Variants in ASAH2 observed in about 807,000 individuals in gnomAD.
ASAH2 encodes neutral ceramidase.
Under a neutral mutation model 82.9 loss-of-function variants are expected in ASAH2, and 58 were observed. The observed-to-expected ratio is 0.70, with a 90% CI of 0.57 to 0.87. ASAH2 has a LOEUF of 0.87. Among genes scored for constraint, ASAH2 ranks in the 40% least tolerant of loss-of-function variants. The pLI is 0.00. For synonymous variants in ASAH2, 276 were observed against 289.7 expected, an observed-to-expected ratio of 0.95 and a Z score of 0.48; for missense variants, 779 against 834.0, an observed-to-expected ratio of 0.93 and a Z score of 0.81.
chr10:50,245,307 T>C lies in ASAH2; in HGVS notation c.275A>G (p.Glu92Gly). 6.2e-7 allele frequency: 1 copy of C among 1,614,038 alleles called. No homozygotes were observed. The highest frequency in any genetic ancestry group is 1.1e-5 in the South Asian group (1 of 91,076). ...ACTGAAGTTCTGAAATAGAGGAGAC[T>C]CTGGGGTTAAAGGCACTGGAGAAGT... is the stretch of plus-strand genomic sequence containing the variant. ...TQTSPVPLTP[E>G]SPLFQNFSGY... Residue 92 changes from glutamate (E) to glycine (G), a missense_variant, in exon 3 of 21, where the codon GAG (glutamate) becomes GGG (glycine). Glu to Gly is a moderately conservative substitution (Grantham distance 98). This residue lies in a region of ASAH2 where 759 missense variants were observed against 755.2 expected (regional missense o/e 1.00). Coordinates refer to ENST00000682911, the MANE Select transcript of ASAH2 (RefSeq NM_019893.4).
At chr10:50,224,617 T>A (rs1281172981) in intron 7 of ASAH2, among the ~76,000 whole-genome samples, 2 of 152,260 alleles carry the variant, frequency 1.3e-5, no homozygotes, top group African/African-American at 4.8e-5. Flanking sequence ...CTCTGACTAA[T>A]AACATGTGTG....
At chr10:50,222,370 C>T (rs1396318299) in intron 7 of ASAH2, among the ~76,000 whole-genome samples, 2 of 152,136 alleles carry the variant, frequency 1.3e-5, no homozygotes, top group Non-Finnish European at 2.9e-5. Context: ...CCTTGACCTC[C>T]TAGACTCAAG....
At position 50,237,475 on chromosome 10, in the gene ASAH2, G is replaced by A. The variant is rs984645535; in HGVS notation, c.511-1411C>T. Among the ~76,000 whole-genome samples the A allele has an allele frequency of 7.1e-4, 108 of 152,298 alleles. 1 individual carries two copies. Among genetic ancestry groups the A allele is most frequent in the African/African-American group, 2.4e-3 (101 of 41,556 alleles). ...ACTTGTTCTAAAACAAGTCAGAATC[G>A]TCTAACCAAGCCACTCTGGGAATCC... On this transcript the variant is annotated intron_variant, in intron 4 of 20. Transcript: ENST00000682911.
intron 8 of ASAH2, 138 bp from the exon 9 acceptor site, chr10:50,215,006 T>A: frequency 1.8e-6 from 2 of 1,112,568 alleles, no homozygotes; most frequent in East Asian, 2.6e-5. Context: ...ATATAAAATA[T>A]TCTGTAGGTT....
intron 8 of ASAH2, among the ~76,000 whole-genome samples, chr10:50,216,847 C>T (rs1845614136): frequency 6.6e-6 from 1 of 152,200 alleles, no homozygotes; most frequent in African/African-American, 2.4e-5. Flanking sequence ...GCCTAGCACT[C>T]AGGCAGTGAT....
At chr10:50,247,715 T>C (rs1464543739) in intron 2 of ASAH2, among the ~76,000 whole-genome samples, 1 of 152,166 alleles carries the variant, frequency 6.6e-6, no homozygotes, top group Non-Finnish European at 1.5e-5. Flanking sequence ...TTTACCAGTC[T>C]TCTCTACTCA....
chr10:50,243,396 G>T, intron 3 of ASAH2, 45 bp from the exon 4 acceptor site: 1 of 1,590,094 alleles, frequency 6.3e-7, no homozygotes, highest in Non-Finnish European at 8.6e-7. Flanking sequence ...TCATTCCCCT[G>T]CTACTAGAAA....
intron 7 of ASAH2, among the ~76,000 whole-genome samples, chr10:50,224,380 T>C (rs967604291): frequency 6.6e-6 from 1 of 151,958 alleles, no homozygotes; most frequent in African/African-American, 2.4e-5. Flanking sequence ...TAAATAAATA[T>C]ATATATATAC....
intron 12 of ASAH2, among the ~76,000 whole-genome samples, chr10:50,206,321 A>G (rs1479691511): frequency 6.6e-6 from 1 of 151,886 alleles, no homozygotes; most frequent in Non-Finnish European, 1.5e-5. Flanking sequence ...GGTCAAGAGA[A>G]CGACAGAGTA....
intron 12 of ASAH2, among the ~76,000 whole-genome samples, chr10:50,208,770 C>T (rs929471177): frequency 8.5e-4 from 129 of 152,192 alleles, no homozygotes; most frequent in African/African-American, 3.0e-3. Flanking sequence ...ATATTCCCAT[C>T]GGAATCCCAG....
At chr10:50,212,707 G>A (rs1845489690) in intron 10 of ASAH2, among the ~76,000 whole-genome samples, 1 of 152,192 alleles carries the variant, frequency 6.6e-6, no homozygotes, top group South Asian at 2.1e-4. Flanking sequence ...AAGCACTCTG[G>A]CTTTCTAGAC....
At chr10:50,215,068 T>C (rs2133209915) in intron 8 of ASAH2, among the ~76,000 whole-genome samples, 200 bp from the exon 9 acceptor site, 1 of 152,374 alleles carries the variant, frequency 6.6e-6, no homozygotes, top group East Asian at 1.9e-4. Flanking sequence ...CTCTTTAGTT[T>C]AATTAGATCC....
chr10:50,202,644 T>C (rs1845182837), intron 16 of ASAH2, among the ~76,000 whole-genome samples, 185 bp downstream of exon 16: 1 of 152,094 alleles, frequency 6.6e-6, no homozygotes, highest in South Asian at 2.1e-4. Context: ...TGACCTGGAC[T>C]TAAAATGATG....
At chr10:50,203,176 A>G (rs1254248718) in intron 15 of ASAH2, among the ~76,000 whole-genome samples, 2 of 152,066 alleles carry the variant, frequency 1.3e-5, no homozygotes, top group Non-Finnish European at 2.9e-5. Context: ...TACAAAATCT[A>G]ATGGGTGGCT....
At chr10:50,206,214 T>G in intron 12 of ASAH2, 117 bp from the exon 13 acceptor site, 1 of 805,512 alleles carries the variant, frequency 1.2e-6, no homozygotes, top group East Asian at 2.4e-5. Flanking sequence ...TTATTGAGGT[T>G]GTTGTTCAAT....
intron 8 of ASAH2, among the ~76,000 whole-genome samples, chr10:50,217,191 T>C (rs1469975922): frequency 6.6e-6 from 1 of 152,040 alleles, no homozygotes; most frequent in African/African-American, 2.4e-5. Flanking sequence ...CTTTCACATG[T>C]GATCTCTTTG....
At chr10:50,237,135 G>A (rs1056381228) in intron 4 of ASAH2, among the ~76,000 whole-genome samples, 1 of 152,110 alleles carries the variant, frequency 6.6e-6, no homozygotes, top group Admixed American at 6.6e-5. Flanking sequence ...AGCAACTCAG[G>A]CATAGTGAGC....
chr10:50,196,018 G>T (rs1187101295), intron 18 of ASAH2, among the ~76,000 whole-genome samples: 13 of 151,026 alleles, frequency 8.6e-5, no homozygotes, highest in East Asian at 2.0e-4. Flanking sequence ...ACAACATATT[G>T]TGTTTTAAAA....
chr10:50,224,356 C>T (rs1034850405), intron 7 of ASAH2, among the ~76,000 whole-genome samples: 2 of 152,032 alleles, frequency 1.3e-5, no homozygotes, highest in Admixed American at 6.6e-5. Flanking sequence ...GAAAGAGATA[C>T]AAAGCTCTGA....
Sources: allele counts gnomAD v4.1 joint callset (sites outside exome capture counted in the v4.1 genomes callset), GRCh38; gene constraint gnomAD v4.1.1; regional missense constraint gnomAD v4.1.1; transcripts MANE v1.5; gene names NCBI Gene and HGNC (gene_info 2026-07-23, HGNC 2026-07-21).